The following SLC9A3 variants were observed in gnomAD, a reference collection of about 807,000 sequenced individuals.
SLC9A3 encodes solute carrier family 9 member A3, also known as sodium/hydrogen exchanger 3.
A neutral mutation model predicts 86.8 loss-of-function variants in SLC9A3; 37 were observed. The ratio of observed to expected loss-of-function variants is 0.43; its 90% CI spans 0.33 to 0.56. The LOEUF is 0.56. Ranked by LOEUF, SLC9A3 falls within the 20% of genes least tolerant of loss-of-function variation. The pLI is 0.06. For synonymous variants in SLC9A3, 581 were observed against 528.3 expected (o/e 1.10, Z -1.37); for missense variants, 1,011 against 1,171.9 (o/e 0.86, Z 2.00).
intron 1 of SLC9A3, among the ~76,000 whole-genome samples, chr5:509,588 A>G (rs1740787850): frequency 6.6e-6 from 1 of 152,146 alleles, no homozygotes; most frequent in Admixed American, 6.5e-5. Context: ...CCTGGAACTC[A>G]GGCGTGGGCA....
chr5:477,583 A>G (rs1295476256), intron 10 of SLC9A3, 139 bp from the exon 11 acceptor site: 3 of 571,620 alleles, frequency 5.2e-6, no homozygotes, highest in Non-Finnish European at 9.2e-6. Context: ...CACGCCTCAC[A>G]GCTGCAGAGG....
chr5:501,975 G>A (rs1397972777), intron 1 of SLC9A3, among the ~76,000 whole-genome samples: 1 of 152,226 alleles, frequency 6.6e-6, no homozygotes, highest in Non-Finnish European at 1.5e-5. Flanking sequence ...GCTGCTTCCT[G>A]CCAGATGAAG....
chr5:507,322 C>T (rs182559849), intron 1 of SLC9A3, among the ~76,000 whole-genome samples: 5 of 138,262 alleles, frequency 3.6e-5, no homozygotes, highest in Non-Finnish European at 7.8e-5. Flanking sequence ...CGCCCGCCAC[C>T]ACGCCCAGCT....
At chr5:474,334 C>T (rs562994099) in intron 16 of SLC9A3, among the ~76,000 whole-genome samples, 1 of 3,786 alleles carries the variant, frequency 2.6e-4, no homozygotes, top group Non-Finnish European at 6.8e-4. Flanking sequence ...AGGAGAGAGA[C>T]AGCGCGCGCG....
intron 1 of SLC9A3, among the ~76,000 whole-genome samples, chr5:504,757 G>A (rs1013860754): frequency 1.6e-4 from 25 of 152,208 alleles, no homozygotes; most frequent in Admixed American, 6.5e-5. Context: ...AGGGGTGTTC[G>A]TGCCCAGCTC....
intron 1 of SLC9A3, among the ~76,000 whole-genome samples, chr5:504,589 C>T (rs915840607): frequency 1.3e-5 from 2 of 152,198 alleles, no homozygotes; most frequent in African/African-American, 4.8e-5. Context: ...CCGCTGCCTC[C>T]TCCTGTCACC....
At chr5:504,718 C>T (rs1340867260) in intron 1 of SLC9A3, among the ~76,000 whole-genome samples, 1 of 152,228 alleles carries the variant, frequency 6.6e-6, no homozygotes. Flanking sequence ...TGTGAGGCCA[C>T]TGTCTCTAAA....
chr5:481,662 T>A (rs1579776733), intron 8 of SLC9A3, 27 bp from the exon 9 acceptor site: 1 of 1,603,968 alleles, frequency 6.2e-7, no homozygotes, highest in East Asian at 2.2e-5. Context: ...GACATGAGCG[T>A]CTCGGGGCGG....
chr5:476,743 C>G, intron 11 of SLC9A3, 71 bp from the exon 12 acceptor site: 1 of 1,560,098 alleles, frequency 6.4e-7, no homozygotes, highest in Non-Finnish European at 8.7e-7. Flanking sequence ...CCTCGCCTTC[C>G]CACGGCGGGC....
intron 1 of SLC9A3, among the ~76,000 whole-genome samples, chr5:502,519 C>T (rs1465562078): frequency 6.6e-6 from 1 of 152,224 alleles, no homozygotes. Flanking sequence ...CGTCCTGGGG[C>T]AACGGAAGTC....
At chr5:509,611 C>A (rs1740789154) in intron 1 of SLC9A3, among the ~76,000 whole-genome samples, 1 of 152,154 alleles carries the variant, frequency 6.6e-6, no homozygotes. Flanking sequence ...AGATGGAGAA[C>A]CGCGGACAGG....
chr5:500,427 A>C (rs1164916310), intron 1 of SLC9A3, among the ~76,000 whole-genome samples: 1 of 152,216 alleles, frequency 6.6e-6, no homozygotes, highest in Admixed American at 6.5e-5. Context: ...CCCTCCAGGG[A>C]CACAGGAAAC....
intron 1 of SLC9A3, among the ~76,000 whole-genome samples, chr5:503,966 G>A (rs958466231): frequency 6.6e-6 from 1 of 152,090 alleles, no homozygotes; most frequent in African/African-American, 2.4e-5. Flanking sequence ...GATTCTCAGG[G>A]TCCCACCCAC....
At chr5:515,734 C>T (rs1235719208) in intron 1 of SLC9A3, among the ~76,000 whole-genome samples, 2 of 147,798 alleles carry the variant, frequency 1.4e-5, no homozygotes, top group Non-Finnish European at 3.0e-5. Context: ...CACTCACACA[C>T]CCACACACTC....
chr5:524,127 T>C lies in SLC9A3; in HGVS notation c.196A>G (p.Ser66Gly). 2 of 1,520,482 alleles carry C rather than the reference T, an allele frequency of 1.3e-6. No individual in the cohort carries two copies. The allele number at this position is 1,520,482 out of a possible 1,614,324, so 94.2% of individuals were successfully genotyped here. The change falls in exon 1 of 17, where the codon AGC becomes GGC. Residue 66 changes from serine (S) to glycine (G), a missense_variant. Around this residue, in one of 3 missense-constraint regions of SLC9A3, gnomAD observed 565 missense variants for 790.0 expected, o/e 0.72. Transcript: ENST00000264938. ...YVIALWILVA[S>G]LAKIGFHLSH... is the part of the protein sequence containing the mutation. ...GGCCACTTACCGATCTTGGCCAAGC[T>C]GGCCACGAGGATCCAGAGCGCGATG...
chr5:485,109 G>T (rs761981412), intron 4 of SLC9A3, 44 bp downstream of exon 4: 45 of 1,428,680 alleles, frequency 3.1e-5, no homozygotes, highest in Non-Finnish European at 4.3e-5. Flanking sequence ...GTTGGCCCCA[G>T]AGGAGACACG....
chr5:483,248 C>G lies in SLC9A3; in HGVS notation c.1153+14G>C. 6.5e-7 allele frequency: 1 copy of G among 1,530,584 alleles called. No homozygotes were observed. The highest frequency in any genetic ancestry group is 1.2e-5 in the South Asian group (1 of 83,608). 94.8% of individuals were successfully genotyped at this position (1,530,584 alleles called of 1,614,324 possible). ...CATCGGTGGTCCCACGGCCGCAACC[C>G]GGCCCCGCCTCACCGATGGCCCGGT... On this transcript the variant is annotated intron_variant, in intron 6 of 16. Transcript: ENST00000264938.
chr5:514,848 C>T (rs1018140817), intron 1 of SLC9A3, among the ~76,000 whole-genome samples: 2 of 152,222 alleles, frequency 1.3e-5, no homozygotes, highest in Non-Finnish European at 2.9e-5. Context: ...CCCCGATCCA[C>T]CAGAAAGGAG....
intron 1 of SLC9A3, among the ~76,000 whole-genome samples, chr5:501,736 G>A (rs759218589): frequency 5.9e-5 from 9 of 152,252 alleles, no homozygotes; most frequent in Non-Finnish European, 1.2e-4. Flanking sequence ...GTGGGGCACC[G>A]GCGAGGAATC....
Sources: gnomAD v4.1 joint callset for allele counts (sites outside exome capture counted in the v4.1 genomes callset) on GRCh38, gnomAD v4.1.1 for gene constraint, gnomAD v4.1.1 regional missense constraint, MANE v1.5 for transcripts, NCBI Gene and HGNC (gene_info 2026-07-23, HGNC 2026-07-21) for gene names.